LUC7L: variants seen among roughly 807,000 people sequenced by gnomAD.
LUC7L encodes putative RNA-binding protein Luc7-like 1.
A neutral mutation model predicts 51.1 loss-of-function variants in LUC7L; 29 were observed. That is an observed-to-expected ratio of 0.57 (90% confidence interval 0.42 to 0.77). The LOEUF is 0.77. Among genes scored for constraint, LUC7L ranks in the 30% least tolerant of loss-of-function variants. LUC7L has a pLI of 0.00. For synonymous variants in LUC7L, 181 were observed against 180.7 expected (o/e 1.00, Z -0.01); for missense variants, 403 against 511.9 (o/e 0.79, Z 2.05).
At chr16:218,798 T>C (rs552258680) in intron 3 of LUC7L, among the ~76,000 whole-genome samples, 139 of 151,730 alleles carry the variant, frequency 9.2e-4, no homozygotes, top group African/African-American at 3.3e-3. Flanking sequence ...CTACTCTAAA[T>C]GAATTTACTG....
chr16:200,589 A>T (rs1338019689), intron 5 of LUC7L, among the ~76,000 whole-genome samples: 1 of 151,908 alleles, frequency 6.6e-6, no homozygotes, highest in Non-Finnish European at 1.5e-5. Flanking sequence ...AAAAAAAAAA[A>T]TTGTATTCCA....
At chr16:202,694 T>G (rs1157379866) in intron 5 of LUC7L, among the ~76,000 whole-genome samples, 3 of 152,202 alleles carry the variant, frequency 2.0e-5, no homozygotes, top group Non-Finnish European at 4.4e-5. Flanking sequence ...CTCAGAATAT[T>G]TAATCCTTGT....
chr16:211,385 G>A (rs1482894901), intron 3 of LUC7L, among the ~76,000 whole-genome samples: 3 of 152,060 alleles, frequency 2.0e-5, no homozygotes, highest in Non-Finnish European at 2.9e-5. Context: ...TTGAACCTGG[G>A]AGGCGGAGGT....
intron 1 of LUC7L, chr16:227,568 G>A: frequency 7.4e-7 from 1 of 1,343,584 alleles, no homozygotes. Context: ...CTCCATCACT[G>A]TACCAAAGAA....
At chr16:199,311 A>T in intron 5 of LUC7L, 73 bp from the exon 6 acceptor site, 1 of 981,840 alleles carries the variant, frequency 1.0e-6, no homozygotes, top group Non-Finnish European at 1.5e-6. Context: ...TCCAAAATGA[A>T]AATATTTGAT....
chr16:229,108 G>C (rs953982249), intron 1 of LUC7L, 171 bp downstream of exon 1: 4 of 1,414,742 alleles, frequency 2.8e-6, no homozygotes, highest in Middle Eastern at 5.2e-4. Flanking sequence ...CCGCCTCAGA[G>C]ACGCACCGGC....
Position 220,552 on chromosome 16 carries a change from T to C in LUC7L, c.255+97A>G, listed in dbSNP as rs767130331. On this transcript the variant is annotated intron_variant, in intron 3 of 9. Transcript: ENST00000293872. ...GGCAGGATAACAAGCAACTACCTTATTATTTTGCTTCATAACTTACGTATG... is the reference window on the plus strand; with the variant it reads ...GGCAGGATAACAAGCAACTACCTTACTATTTTGCTTCATAACTTACGTATG... 2.3e-4 allele frequency: 201 copies of C among 880,908 alleles called. No individual in the cohort carries two copies. Among genetic ancestry groups the C allele is most frequent in the Non-Finnish European group, 3.4e-4 (186 of 539,950 alleles). The allele number at this position is 880,908 out of a possible 1,614,324, so 54.6% of individuals were successfully genotyped here.
chr16:223,326 G>A lies in LUC7L; in HGVS notation c.157-2579C>T, dbSNP rs547418161. ...ATCGCACCACTGCACTCCAGCCTGAGCGACAGAGCGAGACTCCGTCTCAAA... is the reference window on the plus strand; with the variant it reads ...ATCGCACCACTGCACTCCAGCCTGAACGACAGAGCGAGACTCCGTCTCAAA... On this transcript the variant is annotated intron_variant, in intron 2 of 9. Transcript: ENST00000293872. Among the ~76,000 whole-genome samples the A allele has an allele frequency of 3.5e-3, 528 of 152,174 alleles. 3 individuals carry two copies. The highest frequency in any genetic ancestry group is 0.011 in the African/African-American group (476 of 41,526).
At chr16:193,240 G>C (rs942744557) in intron 6 of LUC7L, among the ~76,000 whole-genome samples, 1 of 150,886 alleles carries the variant, frequency 6.6e-6, no homozygotes, top group African/African-American at 2.5e-5. Context: ...CTTCCACCTC[G>C]AGTTCAACCT....
intron 1 of LUC7L, 130 bp downstream of exon 1, chr16:229,149 G>A: frequency 7.0e-7 from 1 of 1,422,538 alleles, no homozygotes; most frequent in Non-Finnish European, 9.1e-7. Context: ...TGCGGTCGGA[G>A]CGCGGGGGAG....
At chr16:228,227 C>T (rs980667518) in intron 1 of LUC7L, 17 of 1,296,354 alleles carry the variant, frequency 1.3e-5, no homozygotes, top group Non-Finnish European at 1.7e-5. Flanking sequence ...AATGTAGTGT[C>T]TTTTTATTGA....
chr16:225,219 G>A (rs2050096697), intron 2 of LUC7L, among the ~76,000 whole-genome samples: 1 of 152,074 alleles, frequency 6.6e-6, no homozygotes, highest in Admixed American at 6.5e-5. Context: ...CGGGCGCAGT[G>A]TCTCATGCCT....
In LUC7L at chr16:195,842, C is replaced by G. The variant is rs2049134576; in HGVS notation, c.688-2827G>C. On this transcript the variant is annotated intron_variant, in intron 6 of 9. Coordinates refer to ENST00000293872, the MANE Select transcript of LUC7L (RefSeq NM_201412.3). ...CCTCTGGGACTACTGTGAGTGAGGC[C>G]TCCTCTAACTAGGGCACAGAACTCC... Among the ~76,000 whole-genome samples the G allele has an allele frequency of 3.9e-5, 6 of 152,068 alleles. No individual in the cohort carries two copies. The South Asian group carries it at 1.2e-3, about 32-fold the overall frequency.
intron 3 of LUC7L, chr16:209,346 T>A (rs1211378): frequency 5.9e-5 from 9 of 151,560 alleles, no homozygotes; most frequent in African/African-American, 9.7e-5. Flanking sequence ...AAAAATTAGC[T>A]GGGCGTGGTA....
At position 191,386 on chromosome 16, in the gene LUC7L, T is replaced by C. The variant is rs116417586; in HGVS notation, c.777-816A>G. Among the ~76,000 whole-genome samples, 1,142 of 152,316 alleles carry C rather than the reference T, an allele frequency of 7.5e-3. 15 individuals are homozygous for C. Among genetic ancestry groups the C allele is most frequent in the African/African-American group, 0.026 (1,094 of 41,568 alleles). Reference sequence around the variant, plus strand: ...GCTATGAGGCCTCATTCTATGCCCGTAAGCCATTAAGGTCAAGTGGCCCCA... The same window carrying C: ...GCTATGAGGCCTCATTCTATGCCCGCAAGCCATTAAGGTCAAGTGGCCCCA... On this transcript the variant is annotated intron_variant, in intron 7 of 9. Coordinates refer to ENST00000293872, the MANE Select transcript of LUC7L (RefSeq NM_201412.3).
At chr16:225,166 G>A (rs895634718) in intron 2 of LUC7L, among the ~76,000 whole-genome samples, 3 of 152,178 alleles carry the variant, frequency 2.0e-5, no homozygotes, top group African/African-American at 7.2e-5. Flanking sequence ...TGACCAGGAA[G>A]GGCACCAAAG....
At chr16:219,372 A>G (rs2049901619) in intron 3 of LUC7L, among the ~76,000 whole-genome samples, 1 of 152,182 alleles carries the variant, frequency 6.6e-6, no homozygotes, top group Admixed American at 6.5e-5. Flanking sequence ...CTGGTGACAG[A>G]GCAAGACTCT....
Position 227,117 on chromosome 16 carries a change from C to A in LUC7L, c.156+125G>T, listed in dbSNP as rs992402851. 8.6e-6 allele frequency: 6 copies of A among 695,936 alleles called. No homozygotes were observed. The African/African-American group carries it at 9.0e-5, about 10-fold the overall frequency. The allele number at this position is 695,936 out of a possible 1,614,324, so 43.1% of individuals were successfully genotyped here. A position where few individuals can be genotyped will look rare whatever the true frequency, so the allele number is the denominator to read the frequency against. On this transcript the variant is annotated intron_variant, in intron 2 of 9. Transcript: ENST00000293872. ...ATACATACGAGTGGAGGAACACCTG[C>A]CATAATTAAGCCACTTAGAGAAAAA...
At position 206,052 on chromosome 16, in the gene LUC7L, C is replaced by G. The variant is rs1300693969; in HGVS notation, c.462G>C (p.Lys154Asn). ...GAACTTTTTCCACTTCCATAAGAAT[C>G]TTCTGGGATTCATCCACATTACCTT... The part of the protein sequence containing the change: ...GAEGNVDESQ[K>N]ILMEVEKVRA... Residue 154 changes from lysine (K) to asparagine (N), a missense_variant, in exon 5 of 10, where the codon AAG (lysine) becomes AAC (asparagine). This residue lies in a region of LUC7L where 182 missense variants were observed against 248.4 expected (regional missense o/e 0.73). Coordinates refer to ENST00000293872, the MANE Select transcript of LUC7L (RefSeq NM_201412.3). 1.4e-5 allele frequency: 23 copies of G among 1,613,668 alleles called. No individual in the cohort carries two copies. Among genetic ancestry groups the G allele is most frequent in the Non-Finnish European group, 1.9e-5 (23 of 1,179,958 alleles).
Sources: allele counts gnomAD v4.1 joint callset (sites outside exome capture counted in the v4.1 genomes callset), GRCh38; gene constraint gnomAD v4.1.1; regional missense constraint gnomAD v4.1.1; transcripts MANE v1.5; gene names NCBI Gene and HGNC (gene_info 2026-07-23, HGNC 2026-07-21).